Variants in MPPED2 observed in about 807,000 individuals in gnomAD.
MPPED2 encodes the protein metallophosphoesterase MPPED2.
Under a neutral mutation model 33.0 loss-of-function variants are expected in MPPED2, and 5 were observed. The observed-to-expected ratio is 0.15, with a 90% CI of 0.08 to 0.32. The LOEUF is 0.32. Among genes scored for constraint, MPPED2 ranks in the 10% least tolerant of loss-of-function variants. MPPED2 has a pLI of 1.00. For missense variants in MPPED2, 275 were observed against 372.1 expected (o/e 0.74, Z 2.15); for synonymous variants, 136 against 141.9 (o/e 0.96, Z 0.29).
intron 3 of MPPED2, among the ~76,000 whole-genome samples, chr11:30,529,409 A>G (rs980736123): frequency 6.6e-6 from 1 of 152,220 alleles, no homozygotes; most frequent in African/African-American, 2.4e-5. Flanking sequence ...TTCTTGGGAA[A>G]AAGTATTTTA....
intron 4 of MPPED2, among the ~76,000 whole-genome samples, chr11:30,491,799 A>T (rs1951995132): frequency 6.6e-6 from 1 of 152,240 alleles, no homozygotes; most frequent in African/African-American, 2.4e-5. Flanking sequence ...TTGATGAAAT[A>T]TCTTCACAGT....
At chr11:30,419,579 C>G (rs1948521199) in intron 4 of MPPED2, among the ~76,000 whole-genome samples, 1 of 152,160 alleles carries the variant, frequency 6.6e-6, no homozygotes, top group Non-Finnish European at 1.5e-5. Context: ...TTTGGAGAAC[C>G]ACTCCCTTTC....
At chr11:30,431,817 G>A (rs1421438512) in intron 4 of MPPED2, among the ~76,000 whole-genome samples, 2 of 152,104 alleles carry the variant, frequency 1.3e-5, no homozygotes, top group East Asian at 3.9e-4. Flanking sequence ...TAATTATTTA[G>A]GTCCTCTGTC....
chr11:30,476,622 T>A (rs1351408225), intron 4 of MPPED2, among the ~76,000 whole-genome samples: 1 of 152,092 alleles, frequency 6.6e-6, no homozygotes, highest in East Asian at 1.9e-4. Context: ...ACCTTTCATA[T>A]TACTTTGTTT....
At chr11:30,537,765 TG>T (rs1954890275) in intron 2 of MPPED2, among the ~76,000 whole-genome samples, 1 of 152,204 alleles carries the variant, frequency 6.6e-6, no homozygotes, top group Non-Finnish European at 1.5e-5. Context: ...AAAAAATTAA[TG>T]GATTTTTTCT....
intron 4 of MPPED2, among the ~76,000 whole-genome samples, chr11:30,494,566 CGTCTCTACTAAAAAT>C (rs1490370327): frequency 2.6e-5 from 4 of 151,548 alleles, no homozygotes; most frequent in Non-Finnish European, 1.5e-5. Flanking sequence ...GGTGAAACCC[CGTCTCTACTAAAAAT>C]ATGAAAATTA....
At chr11:30,479,480 A>T (rs1951380176) in intron 4 of MPPED2, among the ~76,000 whole-genome samples, 1 of 152,112 alleles carries the variant, frequency 6.6e-6, no homozygotes, top group Non-Finnish European at 1.5e-5. Context: ...CTGAAAAGTA[A>T]GGCTTCCCTC....
intron 4 of MPPED2, among the ~76,000 whole-genome samples, chr11:30,477,719 T>A (rs1369014764): frequency 6.6e-6 from 1 of 152,150 alleles, no homozygotes; most frequent in African/African-American, 2.4e-5. Flanking sequence ...TCATGCTGGC[T>A]ATAAAACATG....
intron 3 of MPPED2, among the ~76,000 whole-genome samples, chr11:30,523,198 A>C (rs1429056101): frequency 1.3e-5 from 2 of 152,156 alleles, no homozygotes; most frequent in Non-Finnish European, 2.9e-5. Context: ...GATAGACTGG[A>C]AGCGGAAATG....
intron 3 of MPPED2, among the ~76,000 whole-genome samples, chr11:30,506,218 T>C (rs1426921156): frequency 1.3e-5 from 2 of 152,028 alleles, no homozygotes; most frequent in African/African-American, 4.8e-5. Flanking sequence ...TTTATATTTT[T>C]AGTAGAGACA....
chr11:30,548,848 C>T lies in MPPED2; in HGVS notation c.129-12673G>A, dbSNP rs563502086. Among the ~76,000 whole-genome samples the T allele has an allele frequency of 7.9e-5, 12 of 152,236 alleles. No individual in the cohort carries two copies. In the South Asian group the frequency reaches 1.9e-3, roughly 24 times the overall value. On this transcript the variant is annotated intron_variant, in intron 2 of 6. Coordinates refer to ENST00000358117, the MANE Select transcript of MPPED2 (RefSeq NM_001584.3). Reference sequence around the variant, plus strand: ...GGGGGACACTGCGTTTGTCAGGTGACCTGAATTTTTCTAAATTTGTTAAAG... The same window carrying T: ...GGGGGACACTGCGTTTGTCAGGTGATCTGAATTTTTCTAAATTTGTTAAAG...
In MPPED2 at chr11:30,462,308, C is replaced by T. The variant is rs188757182; in HGVS notation, c.536+32988G>A. Among the ~76,000 whole-genome samples the T allele has an allele frequency of 1.4e-4, 21 of 152,246 alleles. 1 individual carries two copies. Among genetic ancestry groups the T allele is most frequent in the African/African-American group, 4.8e-4 (20 of 41,544 alleles). On this transcript the variant is annotated intron_variant, in intron 4 of 6. Transcript: ENST00000358117. ...AAACAAAATGGAAAATCTACAAGCACTAAGCCCCAGTATGAACTCATTTGT... is the reference window on the plus strand; with the variant it reads ...AAACAAAATGGAAAATCTACAAGCATTAAGCCCCAGTATGAACTCATTTGT...
chr11:30,443,640 A>G (rs373549691), intron 4 of MPPED2, among the ~76,000 whole-genome samples: 3 of 152,176 alleles, frequency 2.0e-5, no homozygotes, highest in African/African-American at 7.2e-5. Flanking sequence ...GGTTCAAATC[A>G]TGGCTCTGTA....
intron 4 of MPPED2, 132 bp downstream of exon 4, chr11:30,495,164 T>C (rs1340898968): frequency 5.9e-6 from 4 of 673,530 alleles, no homozygotes; most frequent in Non-Finnish European, 1.0e-5. Flanking sequence ...ACAGTATGTA[T>C]TTTGTTGGAA....
At chr11:30,555,810 A>G (rs1377194634) in intron 2 of MPPED2, among the ~76,000 whole-genome samples, 1 of 152,172 alleles carries the variant, frequency 6.6e-6, no homozygotes, top group African/African-American at 2.4e-5. Context: ...TACAATGAGT[A>G]TGTCTATGAA....
chr11:30,490,575 T>C (rs1951932022), intron 4 of MPPED2, among the ~76,000 whole-genome samples: 1 of 151,986 alleles, frequency 6.6e-6, no homozygotes, highest in African/African-American at 2.4e-5. Context: ...ACTTATAACA[T>C]CTTCAGTTTA....
At chr11:30,473,424 T>A (rs946453816) in intron 4 of MPPED2, among the ~76,000 whole-genome samples, 1 of 152,136 alleles carries the variant, frequency 6.6e-6, no homozygotes, top group African/African-American at 2.4e-5. Flanking sequence ...ATGTATCCAG[T>A]CCATGATTTA....
At chr11:30,438,913 A>C (rs1949439295) in intron 4 of MPPED2, among the ~76,000 whole-genome samples, 1 of 152,256 alleles carries the variant, frequency 6.6e-6, no homozygotes, top group Admixed American at 6.5e-5. Context: ...AGGCAGAGAT[A>C]CCATCTTCCC....
chr11:30,473,600 G>A (rs1951045729), intron 4 of MPPED2, among the ~76,000 whole-genome samples: 1 of 151,932 alleles, frequency 6.6e-6, no homozygotes, highest in South Asian at 2.1e-4. Context: ...TTCCTCCCTT[G>A]GGTGTGGATA....
Sources: gnomAD v4.1 joint callset for allele counts (sites outside exome capture counted in the v4.1 genomes callset) on GRCh38, gnomAD v4.1.1 for gene constraint, MANE v1.5 for transcripts, NCBI Gene and HGNC (gene_info 2026-07-23, HGNC 2026-07-21) for gene names.